The following COQ7 variants were observed in gnomAD, a reference collection of about 807,000 sequenced individuals.
COQ7 encodes NADPH-dependent 3-demethoxyubiquinone 3-hydroxylase, mitochondrial.
A neutral mutation model predicts 25.0 loss-of-function variants in COQ7; 21 were observed. That is an observed-to-expected ratio of 0.84 (90% CI 0.60 to 1.21). The LOEUF (loss-of-function observed/expected upper bound fraction) is 1.21, where lower values mean the gene tolerates loss of function less well. COQ7 is among the 50% of genes most tolerant of loss of function. The pLI, the probability that COQ7 is intolerant of heterozygous loss-of-function variation, is 0.00. For missense variants in COQ7, 311 were observed against 296.2 expected, an observed-to-expected ratio of 1.05 and a Z score of -0.37; for synonymous variants, 125 against 112.4, an observed-to-expected ratio of 1.11 and a Z score of -0.71.
At chr16:19,076,344 C>T (rs1962839103) in intron 4 of COQ7, among the ~76,000 whole-genome samples, 2 of 150,302 alleles carry the variant, frequency 1.3e-5, no homozygotes, top group African/African-American at 2.5e-5. Context: ...GTCCTCTCTC[C>T]TCAGCTTCCC....
intron 2 of COQ7, among the ~76,000 whole-genome samples, chr16:19,072,753 C>T (rs1243094264): frequency 6.6e-6 from 1 of 152,208 alleles, no homozygotes; most frequent in African/African-American, 2.4e-5. Context: ...ATAGTGTGTC[C>T]TTCACAGGGA....
chr16:19,071,228 C>A (rs760459728), intron 1 of COQ7, among the ~76,000 whole-genome samples: 1 of 152,188 alleles, frequency 6.6e-6, no homozygotes, highest in Non-Finnish European at 1.5e-5. Flanking sequence ...CTCTGCCTCC[C>A]GGTTTCAAGC....
At chr16:19,070,916 C>CT (rs1962522892) in intron 1 of COQ7, among the ~76,000 whole-genome samples, 2 of 152,112 alleles carry the variant, frequency 1.3e-5, no homozygotes, top group African/African-American at 4.8e-5. Flanking sequence ...TTGAGTTACT[C>CT]TAATATAAGG....
intron 4 of COQ7, 107 bp downstream of exon 4, chr16:19,075,967 AG>A: frequency 6.9e-7 from 1 of 1,453,628 alleles, no homozygotes; most frequent in Non-Finnish European, 9.4e-7. Context: ...ATGGGGGTTT[AG>A]AGGCTCAGGT....
At chr16:19,075,457 A>T (rs546288137) in intron 3 of COQ7, among the ~76,000 whole-genome samples, 1 of 151,724 alleles carries the variant, frequency 6.6e-6, no homozygotes, top group South Asian at 2.1e-4. Flanking sequence ...CGGCCTCCCA[A>T]AGTGCTGGGA....
chr16:19,073,938 A>G lies in COQ7; in HGVS notation c.270A>G (p.Glu90=). ...GPVIQKMWDQ[E]KDHLKKFNEL... is the part of the protein sequence containing the mutation. ...TCTTGCAGAAAATGTGGGATCAAGAAAAGGACCATTTGAAAAAGTTCAATG... is the reference window on the plus strand; with the variant it reads ...TCTTGCAGAAAATGTGGGATCAAGAGAAGGACCATTTGAAAAAGTTCAATG... The change falls in exon 3 of 6, where the codon GAA becomes GAG. Residue 90 remains glutamate (E), a synonymous_variant. Coordinates refer to ENST00000321998, the MANE Select transcript of COQ7 (RefSeq NM_016138.5). 1 of 1,613,746 alleles carries G rather than the reference A, an allele frequency of 6.2e-7. No individual in the cohort carries two copies.
chr16:19,082,273 A>G (rs1417829100), downstream of COQ7, among the ~76,000 whole-genome samples: 2 of 152,218 alleles, frequency 1.3e-5, no homozygotes, highest in Non-Finnish European at 2.9e-5. Flanking sequence ...CTGGAAATGT[A>G]TGACGTTGAT....
rs750835015 is a variant in COQ7, at chr16:19,072,027, C to T, written c.173C>T (p.Ala58Val). ...AVDRIIRVDH[A>V]GEYGANRIYA... The stretch of plus-strand genomic sequence containing the variant: ...GATCGAATAATCCGGGTGGATCATG[C>T]AGGCGAATATGGAGCAAACCGCATC... Residue 58 changes from alanine (A) to valine (V), a missense_variant, in exon 2 of 6, where the codon GCA becomes GTA. By Grantham distance (64) the Ala-to-Val change is moderately conservative. Coordinates refer to ENST00000321998, the MANE Select transcript of COQ7 (RefSeq NM_016138.5). The T allele has an allele frequency of 1.3e-5, 21 of 1,614,214 alleles. No homozygotes were observed. The South Asian group carries it at 2.2e-4, about 17-fold the overall frequency.
intron 1 of COQ7, chr16:19,068,406 C>T: frequency 1.0e-6 from 1 of 989,232 alleles, no homozygotes; most frequent in Non-Finnish European, 1.2e-6. Flanking sequence ...AATCTCAGCA[C>T]TTTGGGAGGC....
chr16:19,070,788 A>C (rs1160078035), intron 1 of COQ7, among the ~76,000 whole-genome samples: 1 of 151,936 alleles, frequency 6.6e-6, no homozygotes, highest in Non-Finnish European at 1.5e-5. Flanking sequence ...GATCGAAGCT[A>C]CCATTACAAA....
chr16:19,075,540 A>T (rs1356690934), intron 3 of COQ7, among the ~76,000 whole-genome samples, 181 bp from the exon 4 acceptor site: 1 of 152,136 alleles, frequency 6.6e-6, no homozygotes, highest in Non-Finnish European at 1.5e-5. Flanking sequence ...CACTGCTGGC[A>T]TCTAGTTGGT....
chr16:19,067,716 G>T lies in COQ7; in HGVS notation c.52G>T (p.Gly18Trp). ...AAPRLWRLRP[G>W]ARRSLSAYGR... Reference sequence around the variant, plus strand: ...TCCCCGCCTTTGGCGGCTGCGCCCGGGGGCCCGGCGGTCCCTCTCAGGTAA... The same window carrying T: ...TCCCCGCCTTTGGCGGCTGCGCCCGTGGGCCCGGCGGTCCCTCTCAGGTAA... The change falls in exon 1 of 6, where the codon GGG (glycine) becomes TGG (tryptophan). Residue 18 changes from glycine (G) to tryptophan (W), a missense_variant. Gly to Trp is a radical substitution (Grantham distance 184). Transcript: ENST00000321998. 6.2e-7 allele frequency: 1 copy of T among 1,605,888 alleles called. No individual in the cohort carries two copies.
In COQ7 at chr16:19,067,643, G is replaced by T. The variant is rs763159467; in HGVS notation, c.-22G>T. 7.4e-6 allele frequency: 12 copies of T among 1,613,554 alleles called. No individual in the cohort carries two copies. The highest frequency in any genetic ancestry group is 5.3e-5 in the African/African-American group (4 of 75,000). ...TTGGCCAGTTCCGTTCAACGAAGTGGTTGCTTTTTTTAGTTCCGGCAATGA... is the reference window on the plus strand; with the variant it reads ...TTGGCCAGTTCCGTTCAACGAAGTGTTTGCTTTTTTTAGTTCCGGCAATGA... On this transcript the variant is annotated 5_prime_UTR_variant, in exon 1 of 6. Coordinates refer to ENST00000321998, the MANE Select transcript of COQ7 (RefSeq NM_016138.5).
chr16:19,067,898 C>T (rs908124537), intron 1 of COQ7, 161 bp downstream of exon 1: 2 of 1,490,950 alleles, frequency 1.3e-6, no homozygotes, highest in African/African-American at 1.4e-5. Flanking sequence ...CGCTGGCGGG[C>T]GGGGCGGGGT....
rs1242118657 is a variant in COQ7 at position 19,073,908 on chromosome 16, A to G, written c.253-13A>G. On this transcript the variant is annotated splice_polypyrimidine_tract_variant and intron_variant, in intron 2 of 5. Transcript: ENST00000321998. ...GGAATGCTTGCATGTCTTTATTTTTATGTTTCTTGCAGAAAATGTGGGATC... is the reference window on the plus strand; with the variant it reads ...GGAATGCTTGCATGTCTTTATTTTTGTGTTTCTTGCAGAAAATGTGGGATC... 1 of 1,600,450 alleles carries G rather than the reference A, an allele frequency of 6.2e-7. No individual in the cohort carries two copies. Among genetic ancestry groups the G allele is most frequent in the Non-Finnish European group, 8.6e-7 (1 of 1,168,272 alleles).
At position 19,072,031 on chromosome 16, in the gene COQ7, C is replaced by T. The variant is rs531880869; in HGVS notation, c.177C>T (p.Gly59=). ...VDRIIRVDHA[G]EYGANRIYAG... is the part of the protein sequence containing the mutation. Reference sequence around the variant, plus strand: ...GAATAATCCGGGTGGATCATGCAGGCGAATATGGAGCAAACCGCATCTATG... The same window carrying T: ...GAATAATCCGGGTGGATCATGCAGGTGAATATGGAGCAAACCGCATCTATG... The change falls in exon 2 of 6, where the codon GGC becomes GGT. Residue 59 remains glycine, a synonymous_variant. Transcript: ENST00000321998. The T allele has an allele frequency of 1.3e-4, 208 of 1,614,176 alleles. 1 individual carries two copies. The highest frequency in any genetic ancestry group is 9.6e-4 in the South Asian group (87 of 91,084).
At chr16:19,077,604 T>TTTTTTTTTTTTTTTTTTTCC (rs1555522742) in intron 5 of COQ7, among the ~76,000 whole-genome samples, 1 of 143,616 alleles carries the variant, frequency 7.0e-6, no homozygotes, top group African/African-American at 2.6e-5. Flanking sequence ...TTTTTTTTTT[T>TTTTTTTTTTTTTTTTTTTCC]CCCAGACACA....
chr16:19,068,020 G>C, intron 1 of COQ7: 1 of 1,308,326 alleles, frequency 7.6e-7, no homozygotes, highest in Non-Finnish European at 9.7e-7. Flanking sequence ...TGCGGCCAGC[G>C]TTCCGAGTCG....
chr16:19,071,718 T>A (rs1962566604), intron 1 of COQ7: 1 of 579,134 alleles, frequency 1.7e-6, no homozygotes, highest in South Asian at 2.1e-5. Context: ...TTCCAGATCT[T>A]CATACACTTA....
Sources: gnomAD v4.1 joint callset for allele counts (sites outside exome capture counted in the v4.1 genomes callset) on GRCh38, gnomAD v4.1.1 for gene constraint, MANE v1.5 for transcripts, NCBI Gene and HGNC (gene_info 2026-07-23, HGNC 2026-07-21) for gene names.